The following TTC22 variants were observed in gnomAD, a reference collection of about 807,000 sequenced individuals.
TTC22 encodes the protein tetratricopeptide repeat domain 22, also known as tetratricopeptide repeat protein 22.
In TTC22, 42 loss-of-function variants were observed where a neutral mutation model predicts 48.2. That is an observed-to-expected ratio of 0.87 (90% CI 0.68 to 1.13). The LOEUF (loss-of-function observed/expected upper bound fraction) is 1.13, where lower values mean the gene tolerates loss of function less well. Ranked by LOEUF, TTC22 falls within the 50% of genes most tolerant of loss-of-function variation. The pLI, the probability that TTC22 is intolerant of heterozygous loss-of-function variation, is 0.00. For synonymous variants in TTC22, 345 were observed against 365.5 expected (o/e 0.94, Z 0.64); for missense variants, 784 against 807.0 (o/e 0.97, Z 0.34).
rs1557778855 is a variant in TTC22, at chr1:54,800,793, GCGGC to G, written c.367_370del (p.Ala123HisfsTer61). 23 of 1,570,756 alleles carry G rather than the reference GCGGC, an allele frequency of 1.5e-5. No individual in the cohort carries two copies. The East Asian group carries it at 5.4e-4, about 37-fold the overall frequency. ...CAGGCCCATGAGGTCGGCCAGCCGTGCGGCGCACGCCTCCTCCTCTTCTTCCTGG... is the reference window on the plus strand; with the variant it reads ...CAGGCCCATGAGGTCGGCCAGCCGTGGCACGCCTCCTCCTCTTCTTCCTGG... On this transcript the variant is annotated frameshift_variant, in exon 1 of 7. Coordinates refer to ENST00000371276, the MANE Select transcript of TTC22 (RefSeq NM_001114108.2). LOFTEE classifies it high-confidence loss of function.
At position 54,787,773 on chromosome 1, in the gene TTC22, G is replaced by A; in HGVS notation, c.677C>T (p.Ala226Val). Residue 226 changes from alanine to valine, a missense_variant, in exon 3 of 7, where the codon GCC (alanine) becomes GTC (valine). By Grantham distance (64) the Ala-to-Val change is moderately conservative (BLOSUM62 0). Coordinates refer to ENST00000371276, the MANE Select transcript of TTC22 (RefSeq NM_001114108.2). Reference protein sequence around the residue: ...LGSEEQKRLPAFNRTLALLRQ... With the variant: ...LGSEEQKRLPVFNRTLALLRQ... ...GAGTAGGGCCAGCGTGCGGTTGAAG[G>A]CAGGCAGTCTCTTCTGCTCCTCACT... 1.2e-6 allele frequency: 2 copies of A among 1,613,474 alleles called. No homozygotes were observed. The highest frequency in any genetic ancestry group is 1.7e-6 in the Non-Finnish European group (2 of 1,179,776).
chr1:54,800,862 T>G lies in TTC22; in HGVS notation c.302A>C (p.Asn101Thr). The change falls in exon 1 of 7, where the codon AAT (asparagine) becomes ACT (threonine). Residue 101 changes from asparagine to threonine, a missense_variant. By Grantham distance (65) the Asn-to-Thr change is moderately conservative. Coordinates refer to ENST00000371276, the MANE Select transcript of TTC22 (RefSeq NM_001114108.2). Reference sequence around the variant, plus strand: ...CACGTGTGCCAGATTGGCCCAGGCATTGAGGTTGCCCGGGTGCTCGTGGGC... The same window carrying G: ...CACGTGTGCCAGATTGGCCCAGGCAGTGAGGTTGCCCGGGTGCTCGTGGGC... ...EVAHEHPGNL[N>T]AWANLAHVYG... 1 of 1,610,316 alleles carries G rather than the reference T, an allele frequency of 6.2e-7. No homozygotes were observed. Among genetic ancestry groups the G allele is most frequent in the Non-Finnish European group, 8.5e-7 (1 of 1,179,154 alleles).
chr1:54,794,789 G>A (rs1248662076), intron 1 of TTC22: 1 of 152,386 alleles, frequency 6.6e-6, no homozygotes, highest in Non-Finnish European at 1.5e-5. Flanking sequence ...CCATAGCCCA[G>A]GGCAGAAGTG....
Position 54,781,309 on chromosome 1 carries a change from G to C in TTC22, c.1644C>G (p.Phe548Leu). The change falls in exon 7 of 7, where the codon TTC becomes TTG. Residue 548 changes from phenylalanine to leucine, a missense_variant. Transcript: ENST00000371276. ...QGRPALVRLL[F>L]ETMEREGEGA... is the part of the protein sequence containing the mutation. ...CCTCGCCCTCGCGCTCCATGGTCTCGAAGAGCAGCCGCACCAGCGCCGGCC... is the reference window on the plus strand; with the variant it reads ...CCTCGCCCTCGCGCTCCATGGTCTCCAAGAGCAGCCGCACCAGCGCCGGCC... 3 of 1,465,278 alleles carry C rather than the reference G, an allele frequency of 2.0e-6. No homozygotes were observed. The highest frequency in any genetic ancestry group is 2.6e-5 in the Admixed American group (1 of 38,544). The allele number at this position is 1,465,278 out of a possible 1,614,324, so 90.8% of individuals were successfully genotyped here.
chr1:54,792,624 G>T (rs982801700), intron 1 of TTC22, among the ~76,000 whole-genome samples: 1 of 152,108 alleles, frequency 6.6e-6, no homozygotes, highest in Non-Finnish European at 1.5e-5. Flanking sequence ...GTAGAGACGG[G>T]GTTTCTCCAT....
Position 54,801,140 on chromosome 1 carries a change from G to A in TTC22, c.24C>T (p.Ala8=), listed in dbSNP as rs35727264. 0.014 allele frequency: 22,666 copies of A among 1,611,080 alleles called. 204 individuals carry two copies. The highest frequency in any genetic ancestry group is 0.017 in the Non-Finnish European group (19,876 of 1,178,652). MAELEAV[A]DDLDALIDDL... is the part of the protein sequence containing the mutation. ...CGTCGATGAGGGCGTCTAGATCGTC[G>A]GCCACAGCCTCCAGCTCCGCCATGA... Residue 8 remains alanine, a synonymous_variant, in exon 1 of 7, where the codon GCC becomes GCT. Coordinates refer to ENST00000371276, the MANE Select transcript of TTC22 (RefSeq NM_001114108.2).
At position 54,787,838 on chromosome 1, in the gene TTC22, AAGG is replaced by A; in HGVS notation, c.624-15_624-13del. On this transcript the variant is annotated splice_polypyrimidine_tract_variant and intron_variant, in intron 2 of 6. Transcript: ENST00000371276. ...AGATGCCATCTAGCCTGTGGCCGAGAAGGAGATGTGGTTGGGTGGCACCCCTCC... is the reference window on the plus strand; with the variant it reads ...AGATGCCATCTAGCCTGTGGCCGAGAAGATGTGGTTGGGTGGCACCCCTCC... 2 of 1,597,950 alleles carry A rather than the reference AAGG, an allele frequency of 1.3e-6. No individual in the cohort carries two copies. Among genetic ancestry groups the A allele is most frequent in the Non-Finnish European group, 1.7e-6 (2 of 1,170,542 alleles).
Position 54,800,591 on chromosome 1 carries a change from A to G in TTC22, c.567+6T>C, listed in dbSNP as rs1243508839. ...AGAGGGAGGTAGGGAGACAGGGGTCACCTACCTGCTGCCCGTAGCCTAGCG... is the reference window on the plus strand; with the variant it reads ...AGAGGGAGGTAGGGAGACAGGGGTCGCCTACCTGCTGCCCGTAGCCTAGCG... On this transcript the variant is annotated splice_donor_region_variant and intron_variant, in intron 1 of 6. Coordinates refer to ENST00000371276, the MANE Select transcript of TTC22 (RefSeq NM_001114108.2). 7 of 1,499,018 alleles carry G rather than the reference A, an allele frequency of 4.7e-6. No individual in the cohort carries two copies. The highest frequency in any genetic ancestry group is 5.3e-6 in the Non-Finnish European group (6 of 1,137,008). The allele number at this position is 1,499,018 out of a possible 1,614,324, so 92.9% of individuals were successfully genotyped here. A position where few individuals can be genotyped will look rare whatever the true frequency, so the allele number is the denominator to read the frequency against.
intron 2 of TTC22, 75 bp downstream of exon 2, chr1:54,787,967 C>A: frequency 6.5e-7 from 1 of 1,541,614 alleles, no homozygotes; most frequent in Non-Finnish European, 9.0e-7. Flanking sequence ...CACCTCTGCC[C>A]TTACCCTGCT....
intron 5 of TTC22, chr1:54,785,360 G>C (rs1646291807): frequency 7.0e-6 from 2 of 284,548 alleles, no homozygotes; most frequent in African/African-American, 4.6e-5. Context: ...GTGGGGGTAA[G>C]TGGCTTGCTG....
intron 1 of TTC22, among the ~76,000 whole-genome samples, chr1:54,796,318 A>T (rs1183565081): frequency 1.3e-5 from 2 of 152,216 alleles, no homozygotes; most frequent in Non-Finnish European, 2.9e-5. Context: ...TGGAATGCCC[A>T]CACCTTTGTT....
chr1:54,797,260 G>A (rs940370500), intron 1 of TTC22, among the ~76,000 whole-genome samples: 5 of 135,866 alleles, frequency 3.7e-5, no homozygotes, highest in African/African-American at 1.4e-4. Flanking sequence ...GTGTATATGT[G>A]TGTAAGAGAT....
At chr1:54,786,485 C>A in intron 4 of TTC22, 1 of 276,046 alleles carries the variant, frequency 3.6e-6, no homozygotes, top group Non-Finnish European at 6.8e-6. Flanking sequence ...CCAGAGGCAA[C>A]CCCCATCCCC....
chr1:54,800,977 G>C lies in TTC22; in HGVS notation c.187C>G (p.Pro63Ala). The C allele has an allele frequency of 6.2e-7, 1 of 1,604,124 alleles. No individual in the cohort carries two copies. Among genetic ancestry groups the C allele is most frequent in the Non-Finnish European group, 8.5e-7 (1 of 1,176,968 alleles). Residue 63 changes from proline to alanine, a missense_variant, in exon 1 of 7, where the codon CCG becomes GCG. By Grantham distance (27) the Pro-to-Ala change is conservative (BLOSUM62 -1). Transcript: ENST00000371276. ...LRQELQLAAA[P>A]QRPAVRHLLG... is the part of the protein sequence containing the mutation. ...AGGTGACGCACAGCGGGGCGCTGCG[G>C]GGCGGCCGCCAGCTGGAGCTCCTGC...
chr1:54,786,382 C>T (rs577188926), intron 4 of TTC22: 17 of 456,814 alleles, frequency 3.7e-5, no homozygotes, highest in Admixed American at 1.5e-4. Context: ...ACCACATCAC[C>T]GGTCACATCC....
At position 54,791,594 on chromosome 1, in the gene TTC22, G is replaced by A. The variant is rs142691064; in HGVS notation, c.568-3497C>T. ...GTGTTTCAGTGCCCGATGAGGCAAC[G>A]TGGTCTTTGGCCCTGGAATCTGGAG... On this transcript the variant is annotated intron_variant, in intron 1 of 6. Transcript: ENST00000371276. Among the ~76,000 whole-genome samples, 241 of 152,242 alleles carry A rather than the reference G, an allele frequency of 1.6e-3. 2 individuals are homozygous for A. Among genetic ancestry groups the A allele is most frequent in the African/African-American group, 4.5e-3 (186 of 41,544 alleles).
In TTC22 at chr1:54,781,622, A is replaced by G; in HGVS notation, c.1331T>C (p.Ile444Thr). 1 of 1,529,816 alleles carries G rather than the reference A, an allele frequency of 6.5e-7. No homozygotes were observed. Among genetic ancestry groups the G allele is most frequent in the Non-Finnish European group, 8.7e-7 (1 of 1,143,862 alleles). The allele number at this position is 1,529,816 out of a possible 1,614,324, so 94.8% of individuals were successfully genotyped here. A position where few individuals can be genotyped will look rare whatever the true frequency, so the allele number is the denominator to read the frequency against. The change falls in exon 7 of 7, where the codon ATC becomes ACC. Residue 444 changes from isoleucine (I) to threonine (T), a missense_variant. Coordinates refer to ENST00000371276, the MANE Select transcript of TTC22 (RefSeq NM_001114108.2). ...LQLLRGKCLR[I>T]KGEDANAAAC... is the part of the protein sequence containing the mutation. ...GGCCGCGTTGGCGTCCTCGCCCTTG[A>G]TGCGCAGGCACTTGCCGCGCAGCAG...
rs758578371 is a variant in TTC22, at chr1:54,800,978, G to A, written c.186C>T (p.Ala62=). The change falls in exon 1 of 7, where the codon GCC becomes GCT. Residue 62 remains alanine (A), a synonymous_variant. Coordinates refer to ENST00000371276, the MANE Select transcript of TTC22 (RefSeq NM_001114108.2). ...GLRQELQLAA[A]PQRPAVRHLL... is the part of the protein sequence containing the mutation. ...GGTGACGCACAGCGGGGCGCTGCGG[G>A]GCGGCCGCCAGCTGGAGCTCCTGCC... 1.6e-5 allele frequency: 25 copies of A among 1,603,794 alleles called. No individual in the cohort carries two copies. In the South Asian group the frequency reaches 1.9e-4, roughly 12 times the overall value.
chr1:54,781,596 C>A lies in TTC22; in HGVS notation c.1357G>T (p.Ala453Ser). 2 of 1,523,858 alleles carry A rather than the reference C, an allele frequency of 1.3e-6. No homozygotes were observed. The highest frequency in any genetic ancestry group is 2.5e-5 in the East Asian group (1 of 39,744). 94.4% of individuals were successfully genotyped at this position (1,523,858 alleles called of 1,614,324 possible). ...AGCTCCACTGCGCGCTTGAAGCAGG[C>A]GGCCGCGTTGGCGTCCTCGCCCTTG... ...RIKGEDANAA[A>S]CFKRAVELDD... The change falls in exon 7 of 7, where the codon GCC becomes TCC. Residue 453 changes from alanine to serine, a missense_variant. Transcript: ENST00000371276.
Sources: gnomAD v4.1 joint callset for allele counts (sites outside exome capture counted in the v4.1 genomes callset) on GRCh38, gnomAD v4.1.1 for gene constraint, MANE v1.5 for transcripts, NCBI Gene and HGNC (gene_info 2026-07-23, HGNC 2026-07-21) for gene names.